UNC80: variants seen among roughly 807,000 people sequenced by gnomAD.
The protein encoded by UNC80 is protein unc-80 homolog.
A neutral mutation model predicts 384.6 loss-of-function variants in UNC80; 164 were observed. That is an observed-to-expected ratio of 0.43 (90% CI 0.38 to 0.49). The LOEUF (loss-of-function observed/expected upper bound fraction) is 0.49. UNC80 is among the 20% of genes least tolerant of loss of function. The pLI is 0.00. For missense variants in UNC80, 3,330 were observed against 4,143.0 expected (o/e 0.80, Z 5.39); for synonymous variants, 1,486 against 1,527.8 (o/e 0.97, Z 0.64).
In UNC80 at chr2:209,835,022, T is replaced by C; in HGVS notation, c.3041+12T>C. ...CAGACTCCAGAGCAGTAAGTAGCGT[T>C]GGTTTTGTCTCCAGTGCAGACGGCT... is the stretch of plus-strand genomic sequence containing the variant. On this transcript the variant is annotated intron_variant, in intron 18 of 64. Coordinates refer to ENST00000673920, the MANE Select transcript of UNC80 (RefSeq NM_001371986.1). 3 of 1,546,048 alleles carry C rather than the reference T, an allele frequency of 1.9e-6. No individual in the cohort carries two copies. The highest frequency in any genetic ancestry group is 2.6e-6 in the Non-Finnish European group (3 of 1,142,918).
intron 29 of UNC80, among the ~76,000 whole-genome samples, chr2:209,910,876 A>T (rs2088852234): frequency 6.6e-6 from 1 of 152,188 alleles, no homozygotes; most frequent in African/African-American, 2.4e-5. Context: ...ATCATTTAAA[A>T]TTGTGTGCCA....
chr2:209,794,367 C>T (rs955030551), intron 7 of UNC80, among the ~76,000 whole-genome samples: 1 of 152,104 alleles, frequency 6.6e-6, no homozygotes, highest in African/African-American at 2.4e-5. Context: ...CTTCTTATTA[C>T]CAGTTGAAAT....
intron 59 of UNC80, among the ~76,000 whole-genome samples, chr2:209,980,404 G>A (rs1365604167): frequency 6.6e-6 from 1 of 152,168 alleles, no homozygotes; most frequent in African/African-American, 2.4e-5. Flanking sequence ...GGATATCACT[G>A]GCCAAAAGCC....
intron 52 of UNC80, chr2:209,968,188 C>G (rs1279229692): frequency 1.3e-5 from 2 of 152,226 alleles, no homozygotes; most frequent in East Asian, 3.9e-4. Flanking sequence ...GATCTTTGTT[C>G]AGTGACCTGG....
intron 33 of UNC80, among the ~76,000 whole-genome samples, chr2:209,920,307 C>T (rs1487207013): frequency 1.3e-5 from 2 of 152,234 alleles, no homozygotes; most frequent in East Asian, 3.8e-4. Flanking sequence ...CCCTGCCTGT[C>T]TCTTGAACCC....
Position 209,967,561 on chromosome 2 carries a change from G to C in UNC80, c.7930G>C (p.Val2644Leu), listed in dbSNP as rs1266553726. Residue 2644 changes from valine (V) to leucine (L), a missense_variant, in exon 52 of 65, where the codon GTG becomes CTG. Val to Leu is a conservative substitution (Grantham distance 32). This residue lies in a region of UNC80 where 1,049 missense variants were observed against 1,488.6 expected (regional missense o/e 0.70). Transcript: ENST00000673920. The stretch of plus-strand genomic sequence containing the variant: ...CATTACTGACTGGACAGCTGAGGCA[G>C]TGAGGCCGGCCCTCATCCTCATTTT... ...LPITDWTAEA[V>L]RPALILILKR... 6.4e-7 allele frequency: 1 copy of C among 1,551,690 alleles called. No homozygotes were observed. The highest frequency in any genetic ancestry group is 8.7e-7 in the Non-Finnish European group (1 of 1,146,980).
chr2:209,857,021 C>T (rs1248074026), intron 22 of UNC80, among the ~76,000 whole-genome samples: 1 of 151,990 alleles, frequency 6.6e-6, no homozygotes, highest in East Asian at 1.9e-4. Context: ...AACTCCTGAC[C>T]TTAGGTAATC....
At chr2:209,801,751 T>C (rs947138100) in intron 7 of UNC80, among the ~76,000 whole-genome samples, 1 of 150,240 alleles carries the variant, frequency 6.7e-6, no homozygotes, top group Non-Finnish European at 1.5e-5. Context: ...TTTTAAATGA[T>C]CTACCTCCAA....
intron 9 of UNC80, 86 bp downstream of exon 9, chr2:209,815,477 ATGGGGTGAGG>A (rs2079666737): frequency 7.0e-6 from 10 of 1,419,070 alleles, no homozygotes; most frequent in Non-Finnish European, 9.5e-6. Context: ...ATACTGCAGT[ATGGGGTGAGG>A]TGGGAAAGGG....
chr2:209,828,120 A>G (rs1305629765), intron 14 of UNC80, among the ~76,000 whole-genome samples: 1 of 152,044 alleles, frequency 6.6e-6, no homozygotes, highest in Non-Finnish European at 1.5e-5. Flanking sequence ...TGTATTTTAT[A>G]GAAAACACAG....
In UNC80 at chr2:209,917,938, G is replaced by A. The variant is rs1449269005; in HGVS notation, c.5191G>A (p.Gly1731Arg). 1.3e-6 allele frequency: 2 copies of A among 1,551,646 alleles called. No homozygotes were observed. Among genetic ancestry groups the A allele is most frequent in the Admixed American group, 2.0e-5 (1 of 51,006 alleles). The change falls in exon 32 of 65, where the codon GGG (glycine) becomes AGG (arginine). Residue 1731 changes from glycine (G) to arginine (R), a missense_variant. Physicochemically the swap from Gly to Arg is moderately radical, Grantham distance 125. Transcript: ENST00000673920. ...RYQVWPRMEE[G>R]AQQIFKIPPP... ...TCAGGTCTGGCCCCGGATGGAGGAA[G>A]GGGCACAGCAGATTTTTAAGGTGAG...
chr2:209,912,828 A>G (rs1184603124), intron 30 of UNC80, among the ~76,000 whole-genome samples, 161 bp downstream of exon 30: 4 of 152,202 alleles, frequency 2.6e-5, no homozygotes, highest in Non-Finnish European at 5.9e-5. Context: ...TGTGCCAGGA[A>G]AAAAGAAATC....
Position 209,998,163 on chromosome 2 carries a change from CAA to C in UNC80, c.*2570_*2571del, listed in dbSNP as rs1045350064. ...CCCATGTAGAAAAAATTAGACTCAG[CAA>C]AGAGGTTGCTTCTTCTGAAATTAGC... On this transcript the variant is annotated 3_prime_UTR_variant, in exon 65 of 65. Transcript: ENST00000673920. 7.2e-5 allele frequency: 11 copies of C among 152,092 alleles called. No individual in the cohort carries two copies. The highest frequency in any genetic ancestry group is 1.6e-4 in the Non-Finnish European group (11 of 68,024). The allele number at this position is 152,092 out of a possible 1,614,324, so 9.4% of individuals were successfully genotyped here.
chr2:209,992,520 G>A (rs1386835052), intron 62 of UNC80, among the ~76,000 whole-genome samples: 1 of 152,026 alleles, frequency 6.6e-6, no homozygotes, highest in African/African-American at 2.4e-5. Flanking sequence ...CCTAAAATAA[G>A]CAGCACAGAG....
intron 61 of UNC80, among the ~76,000 whole-genome samples, chr2:209,990,928 T>A (rs1021814163): frequency 7.9e-5 from 12 of 152,220 alleles, no homozygotes; most frequent in Non-Finnish European, 1.8e-4. Flanking sequence ...TATTTGGGAA[T>A]CACATTGATT....
intron 4 of UNC80, among the ~76,000 whole-genome samples, chr2:209,782,336 C>CT (rs781594904): frequency 6.6e-6 from 1 of 152,160 alleles, no homozygotes; most frequent in Non-Finnish European, 1.5e-5. Context: ...ACATAACATA[C>CT]TTTTTTTCAG....
intron 6 of UNC80, among the ~76,000 whole-genome samples, chr2:209,792,258 C>G (rs892150893): frequency 2.0e-5 from 3 of 152,198 alleles, no homozygotes; most frequent in Non-Finnish European, 4.4e-5. Context: ...GATTCAAGAT[C>G]ACACCACTGC....
At chr2:209,890,052 T>C (rs2086187088) in intron 26 of UNC80, among the ~76,000 whole-genome samples, 1 of 152,158 alleles carries the variant, frequency 6.6e-6, no homozygotes, top group Non-Finnish European at 1.5e-5. Flanking sequence ...AGAAGTAGTT[T>C]ACTATTATTA....
intron 38 of UNC80, among the ~76,000 whole-genome samples, chr2:209,932,750 T>G (rs1170902962): frequency 1.3e-5 from 2 of 152,200 alleles, no homozygotes; most frequent in African/African-American, 4.8e-5. Context: ...TCCCAGAGAT[T>G]ACCAGGCTGC....
Sources: allele counts gnomAD v4.1 joint callset (sites outside exome capture counted in the v4.1 genomes callset), GRCh38; gene constraint gnomAD v4.1.1; regional missense constraint gnomAD v4.1.1; transcripts MANE v1.5; gene names NCBI Gene and HGNC (gene_info 2026-07-23, HGNC 2026-07-21).